Variants in YIPF1 observed in about 807,000 individuals in gnomAD.
The protein encoded by YIPF1 is protein YIPF1.
Under a neutral mutation model 37.0 loss-of-function variants are expected in YIPF1, and 22 were observed. That is an observed-to-expected ratio of 0.59 (90% CI 0.42 to 0.85). The LOEUF (loss-of-function observed/expected upper bound fraction) is 0.85. YIPF1 is among the 40% of genes least tolerant of loss of function. The probability of loss-of-function intolerance (pLI) is 0.00; values close to 1 mark genes in which losing one functional copy is unlikely to be tolerated. For missense variants in YIPF1, 355 were observed against 373.1 expected, an observed-to-expected ratio of 0.95 and a Z score of 0.40; for synonymous variants, 128 against 131.9, an observed-to-expected ratio of 0.97 and a Z score of 0.21.
At chr1:53,885,407 C>G (rs988759360) in intron 3 of YIPF1, among the ~76,000 whole-genome samples, 1 of 152,194 alleles carries the variant, frequency 6.6e-6, no homozygotes, top group Non-Finnish European at 1.5e-5. Context: ...ACTTGGGACG[C>G]TGAGGCAGGA....
rs1051684056 is a variant in YIPF1, at chr1:53,871,453, T to C, written c.400A>G (p.Ile134Val). 6.2e-7 allele frequency: 1 copy of C among 1,614,102 alleles called. No homozygotes were observed. Among genetic ancestry groups the C allele is most frequent in the Non-Finnish European group, 8.5e-7 (1 of 1,179,968 alleles). ...TTGGAAAGATTCCCACTAATTGCTA[T>C]GGCAAAGACCAACGTGGCACATATC... ...FWICATLVFA[I>V]AISGNLSNFL... The change falls in exon 7 of 11, where the codon ATA (isoleucine) becomes GTA (valine). Residue 134 changes from isoleucine to valine, a missense_variant. Coordinates refer to ENST00000072644, the MANE Select transcript of YIPF1 (RefSeq NM_018982.5).
chr1:53,883,320 A>G (rs377729616), intron 3 of YIPF1, 44 bp from the exon 4 acceptor site: 2 of 1,480,946 alleles, frequency 1.4e-6, no homozygotes, highest in African/African-American at 1.4e-5. Flanking sequence ...CCTTACCCAC[A>G]CTAGAAATGC....
chr1:53,878,050 G>A (rs1650379862), intron 6 of YIPF1, among the ~76,000 whole-genome samples: 1 of 152,206 alleles, frequency 6.6e-6, no homozygotes, highest in Admixed American at 6.5e-5. Context: ...CCAAAGTGCT[G>A]GGATTATAGG....
intron 3 of YIPF1, 50 bp from the exon 4 acceptor site, chr1:53,883,326 A>C: frequency 6.8e-7 from 1 of 1,460,408 alleles, no homozygotes; most frequent in South Asian, 1.5e-5. Flanking sequence ...CCACACTAGA[A>C]ATGCTATACT....
intron 7 of YIPF1, among the ~76,000 whole-genome samples, chr1:53,870,182 TTTTTTTTG>T (rs1483227945): frequency 3.1e-5 from 4 of 127,696 alleles, no homozygotes; most frequent in African/African-American, 3.0e-5. Flanking sequence ...TTTTTTTTTT[TTTTTTTTG>T]AGACAGTGAC....
chr1:53,859,137 A>G (rs1649798226), intron 10 of YIPF1, among the ~76,000 whole-genome samples: 1 of 152,138 alleles, frequency 6.6e-6, no homozygotes, highest in Non-Finnish European at 1.5e-5. Flanking sequence ...CCCTATGTAT[A>G]CTAGGTTATG....
At chr1:53,863,096 A>G (rs952110752) in intron 9 of YIPF1, among the ~76,000 whole-genome samples, 3 of 152,160 alleles carry the variant, frequency 2.0e-5, no homozygotes, top group African/African-American at 7.2e-5. Flanking sequence ...CTCCAGGAAG[A>G]GGCCCTGCAC....
intron 6 of YIPF1, 77 bp from the exon 7 acceptor site, chr1:53,871,565 T>C: frequency 8.6e-7 from 1 of 1,161,730 alleles, no homozygotes; most frequent in Admixed American, 2.0e-5. Flanking sequence ...TTTCTTATCT[T>C]CCTCTTGTAT....
chr1:53,884,017 AC>A (rs1650573143), intron 3 of YIPF1, among the ~76,000 whole-genome samples: 1 of 152,148 alleles, frequency 6.6e-6, no homozygotes, highest in Admixed American at 6.6e-5. Flanking sequence ...AGCCTGTGTG[AC>A]AGAGTGAGAC....
intron 4 of YIPF1, among the ~76,000 whole-genome samples, chr1:53,880,041 C>A (rs937998598): frequency 1.3e-5 from 2 of 151,932 alleles, no homozygotes; most frequent in Non-Finnish European, 2.9e-5. Flanking sequence ...CTGGCCAGGG[C>A]AATCAGGGAA....
intron 7 of YIPF1, among the ~76,000 whole-genome samples, chr1:53,870,109 T>C (rs1373066453): frequency 3.3e-5 from 5 of 150,152 alleles, no homozygotes; most frequent in East Asian, 2.0e-4. Flanking sequence ...TCCACCCACC[T>C]TGGCCTCCCA....
chr1:53,869,160 T>TCTCTCTCACACACA lies in YIPF1; in HGVS notation c.481+2211_481+2212insTGTGTGTGAGAGAG, dbSNP rs911930860. Among the ~76,000 whole-genome samples the TCTCTCTCACACACA allele has an allele frequency of 1.1e-3, 145 of 138,036 alleles. 1 individual carries two copies. The highest frequency in any genetic ancestry group is 3.9e-3 in the African/African-American group (140 of 35,706). The allele number at this position is 138,036 out of a possible 152,430, so 90.6% of individuals were successfully genotyped here. A position where few individuals can be genotyped will look rare whatever the true frequency, so the allele number is the denominator to read the frequency against. The stretch of plus-strand genomic sequence containing the variant: ...CTCTCTCTCTCTCTCTCTCTCTCTC[T>TCTCTCTCACACACA]CACACACACACACACACACACACAC... On this transcript the variant is annotated intron_variant, in intron 7 of 10. Coordinates refer to ENST00000072644, the MANE Select transcript of YIPF1 (RefSeq NM_018982.5).
intron 10 of YIPF1, among the ~76,000 whole-genome samples, chr1:53,859,557 C>G (rs997449734): frequency 5.9e-5 from 9 of 152,064 alleles, no homozygotes. Flanking sequence ...CCCAGCTACT[C>G]AGGAGGCTGA....
At chr1:53,852,808 A>C (rs939374025) in intron 10 of YIPF1, among the ~76,000 whole-genome samples, 2 of 152,054 alleles carry the variant, frequency 1.3e-5, no homozygotes, top group African/African-American at 4.8e-5. Context: ...CTAAGTAGGG[A>C]AGTGACATAG....
intron 10 of YIPF1, among the ~76,000 whole-genome samples, chr1:53,857,160 T>G (rs540813633): frequency 2.6e-5 from 4 of 152,238 alleles, no homozygotes; most frequent in Admixed American, 2.6e-4. Flanking sequence ...ACCTTGTGAG[T>G]TGGGAGGCAG....
At chr1:53,874,327 G>A (rs1173894400) in intron 6 of YIPF1, among the ~76,000 whole-genome samples, 1 of 152,028 alleles carries the variant, frequency 6.6e-6, no homozygotes, top group Non-Finnish European at 1.5e-5. Flanking sequence ...TCTTATTATG[G>A]GTTGGGGGTG....
At chr1:53,864,733 C>T (rs1176131269) in intron 9 of YIPF1, among the ~76,000 whole-genome samples, 1 of 152,012 alleles carries the variant, frequency 6.6e-6, no homozygotes, top group Non-Finnish European at 1.5e-5. Context: ...AAACCTGCAA[C>T]AGGGCTTGTT....
chr1:53,871,477 T>C lies in YIPF1; in HGVS notation c.376A>G (p.Ile126Val). 1 of 1,613,490 alleles carries C rather than the reference T, an allele frequency of 6.2e-7. No individual in the cohort carries two copies. Among genetic ancestry groups the C allele is most frequent in the South Asian group, 1.1e-5 (1 of 90,920 alleles). ...SNPDLYGPFW[I>V]CATLVFAIAI... ...ATGGCAAAGACCAACGTGGCACATA[T>C]CCAAAAGGGGCCTGCAAAGGAAACC... Residue 126 changes from isoleucine (I) to valine (V), a missense_variant, in exon 7 of 11, where the codon ATA becomes GTA. Coordinates refer to ENST00000072644, the MANE Select transcript of YIPF1 (RefSeq NM_018982.5).
At chr1:53,879,043 A>G (rs1650416933) in intron 4 of YIPF1, among the ~76,000 whole-genome samples, 1 of 152,140 alleles carries the variant, frequency 6.6e-6, no homozygotes, top group South Asian at 2.1e-4. Flanking sequence ...GTACAATAAT[A>G]AATACATATA....
Sources: allele counts gnomAD v4.1 joint callset (sites outside exome capture counted in the v4.1 genomes callset), GRCh38; gene constraint gnomAD v4.1.1; transcripts MANE v1.5; gene names NCBI Gene and HGNC (gene_info 2026-07-23, HGNC 2026-07-21).